Variants in GNAT3 observed in about 807,000 individuals in gnomAD.
The protein encoded by GNAT3 is guanine nucleotide-binding protein G(t) subunit alpha-3.
A neutral mutation model predicts 37.7 loss-of-function variants in GNAT3; 31 were observed. The observed-to-expected ratio is 0.82, with a 90% CI of 0.62 to 1.11. The LOEUF is 1.11. Among genes scored for constraint, GNAT3 ranks in the 50% most tolerant of loss-of-function variants. The probability of loss-of-function intolerance (pLI) is 0.00; values close to 1 mark genes in which losing one functional copy is unlikely to be tolerated. For synonymous variants in GNAT3, 138 were observed against 139.8 expected (o/e 0.99, Z 0.09); for missense variants, 437 against 412.5 (o/e 1.06, Z -0.51).
chr7:80,483,030 G>A (rs887674093), intron 3 of GNAT3, among the ~76,000 whole-genome samples: 17 of 151,944 alleles, frequency 1.1e-4, no homozygotes, highest in Admixed American at 5.3e-4. Flanking sequence ...AAATTTGTGC[G>A]TGCATAGTTG....
chr7:80,462,466 C>CT, intron 6 of GNAT3, 36 bp downstream of exon 6: 1 of 1,606,884 alleles, frequency 6.2e-7, no homozygotes. Context: ...ACAAAGATTA[C>CT]TTTTAACCCT....
chr7:80,488,604 C>A lies in GNAT3; in HGVS notation c.234G>T (p.Leu78Phe). 1 of 1,594,538 alleles carries A rather than the reference C, an allele frequency of 6.3e-7. No homozygotes were observed. Residue 78 changes from leucine (L) to phenylalanine (F), a missense_variant, in exon 3 of 8, where the codon TTG becomes TTT. Physicochemically the swap from Leu to Phe is conservative, Grantham distance 22. Coordinates refer to ENST00000398291, the MANE Select transcript of GNAT3 (RefSeq NM_001102386.3). ...CTTTCACAATAGCTAGGATGGATTG[C>A]AATGTATTACTGTAAATTACTGCTT... ...EFKAVIYSNT[L>F]QSILAIVKAM... is the part of the protein sequence containing the mutation.
At chr7:80,501,613 C>T (rs552537215) in intron 1 of GNAT3, among the ~76,000 whole-genome samples, 2 of 151,782 alleles carry the variant, frequency 1.3e-5, no homozygotes, top group South Asian at 2.1e-4. Flanking sequence ...TTTCTTTTGT[C>T]GTTATGCTTT....
intron 3 of GNAT3, among the ~76,000 whole-genome samples, chr7:80,487,238 TA>T (rs1253614769): frequency 6.6e-6 from 1 of 152,042 alleles, no homozygotes; most frequent in African/African-American, 2.4e-5. Context: ...TACACTTAAA[TA>T]AGAACATGAT....
intron 1 of GNAT3, among the ~76,000 whole-genome samples, chr7:80,497,704 C>A (rs1790760329): frequency 6.6e-6 from 1 of 150,778 alleles, no homozygotes; most frequent in African/African-American, 2.4e-5. Flanking sequence ...TCTTAAATTA[C>A]AGAGCAGTGG....
chr7:80,475,436 G>A (rs1790287208), intron 4 of GNAT3, among the ~76,000 whole-genome samples: 2 of 150,228 alleles, frequency 1.3e-5, no homozygotes, highest in African/African-American at 4.9e-5. Flanking sequence ...TTGATACTAA[G>A]CTTTTAGTGG....
chr7:80,505,118 G>T (rs573298974), intron 1 of GNAT3, among the ~76,000 whole-genome samples: 3 of 152,086 alleles, frequency 2.0e-5, no homozygotes, highest in Non-Finnish European at 4.4e-5. Context: ...AAAATCAGTT[G>T]GGAGAAGTGT....
intron 3 of GNAT3, among the ~76,000 whole-genome samples, chr7:80,483,706 C>T (rs762603864): frequency 2.6e-5 from 4 of 151,992 alleles, no homozygotes; most frequent in Non-Finnish European, 5.9e-5. Flanking sequence ...GCCCTCATTT[C>T]AGCGCATTTC....
intron 1 of GNAT3, among the ~76,000 whole-genome samples, chr7:80,506,998 T>C (rs1170808756): frequency 1.3e-5 from 2 of 152,040 alleles, no homozygotes; most frequent in Non-Finnish European, 2.9e-5. Context: ...AAAGGTACTA[T>C]AGTTGGAGGA....
At chr7:80,505,535 T>G (rs754741600) in intron 1 of GNAT3, among the ~76,000 whole-genome samples, 8 of 152,032 alleles carry the variant, frequency 5.3e-5, no homozygotes, top group Non-Finnish European at 1.0e-4. Context: ...CCCGGCTAAC[T>G]TTTTATATTT....
intron 3 of GNAT3, among the ~76,000 whole-genome samples, chr7:80,484,226 C>G (rs1370724599): frequency 6.6e-6 from 1 of 151,822 alleles, no homozygotes; most frequent in East Asian, 1.9e-4. Context: ...TATTCTGAAC[C>G]CTAGAGTCAT....
At chr7:80,474,927 A>AT (rs1790279867) in intron 4 of GNAT3, among the ~76,000 whole-genome samples, 1 of 151,948 alleles carries the variant, frequency 6.6e-6, no homozygotes, top group Admixed American at 6.6e-5. Flanking sequence ...GTTGTTTGTT[A>AT]TTTTTGCATG....
chr7:80,462,461 G>C (rs745712823), intron 6 of GNAT3, 41 bp downstream of exon 6: 16 of 1,604,778 alleles, frequency 1.0e-5, no homozygotes, highest in Non-Finnish European at 1.4e-5. Flanking sequence ...AAAGCACAAA[G>C]ATTACTTTTA....
chr7:80,477,918 G>T (rs1790332253), intron 4 of GNAT3, among the ~76,000 whole-genome samples: 1 of 152,118 alleles, frequency 6.6e-6, no homozygotes, highest in Non-Finnish European at 1.5e-5. Flanking sequence ...TTGTTTTTTG[G>T]GGTTAATTTG....
At chr7:80,495,957 T>A (rs10270318) in intron 1 of GNAT3, among the ~76,000 whole-genome samples, 1 of 152,174 alleles carries the variant, frequency 6.6e-6, no homozygotes, top group East Asian at 1.9e-4. Flanking sequence ...TATTAGTCCT[T>A]TGTTTGATGC....
chr7:80,504,312 A>T (rs953509109), intron 1 of GNAT3, among the ~76,000 whole-genome samples: 4 of 151,132 alleles, frequency 2.6e-5, no homozygotes, highest in Non-Finnish European at 4.4e-5. Flanking sequence ...CCCTGTCTTT[A>T]AAAAAAAAGA....
rs543737299 is a variant in GNAT3 at position 80,481,986 on chromosome 7, T to C, written c.304-2988A>G. On this transcript the variant is annotated intron_variant, in intron 3 of 7. Coordinates refer to ENST00000398291, the MANE Select transcript of GNAT3 (RefSeq NM_001102386.3). ...CTTTCTGGACCTTGCATGTATTGAC[T>C]GATATCTGCCTGTAACTTTAATCCC... Among the ~76,000 whole-genome samples the C allele has an allele frequency of 3.3e-5, 5 of 152,330 alleles. No homozygotes were observed. In the East Asian group the frequency reaches 9.6e-4, roughly 29 times the overall value.
intron 1 of GNAT3, among the ~76,000 whole-genome samples, chr7:80,507,912 T>A (rs1790980721): frequency 6.6e-6 from 1 of 151,998 alleles, no homozygotes; most frequent in Non-Finnish European, 1.5e-5. Context: ...GAAGTAGTTT[T>A]TGATCTCTAG....
chr7:80,508,468 G>A (rs548235904), intron 1 of GNAT3, among the ~76,000 whole-genome samples: 15 of 152,120 alleles, frequency 9.9e-5, no homozygotes, highest in Non-Finnish European at 2.1e-4. Flanking sequence ...AGATACAAAT[G>A]AGAATATTTT....
Sources: allele counts gnomAD v4.1 joint callset (sites outside exome capture counted in the v4.1 genomes callset), GRCh38; gene constraint gnomAD v4.1.1; transcripts MANE v1.5; gene names NCBI Gene and HGNC (gene_info 2026-07-23, HGNC 2026-07-21).